TBX1: variants seen among roughly 807,000 people sequenced by gnomAD.
TBX1 encodes T-box transcription factor TBX1.
Under a neutral mutation model 40.8 loss-of-function variants are expected in TBX1, and 16 were observed. That is an observed-to-expected ratio of 0.39 (90% CI 0.27 to 0.60). TBX1 has a LOEUF of 0.60. Among genes scored for constraint, TBX1 ranks in the 20% least tolerant of loss-of-function variants. The pLI is 0.51. For missense variants in TBX1, 755 were observed against 728.5 expected (o/e 1.04, Z -0.42); for synonymous variants, 403 against 336.8 (o/e 1.20, Z -2.15).
upstream of TBX1, among the ~76,000 whole-genome samples, chr22:19,756,929 G>A (rs1323249094): frequency 4.0e-5 from 6 of 151,786 alleles, no homozygotes; most frequent in Non-Finnish European, 7.4e-5. Flanking sequence ...GCGGGGCGGC[G>A]GAGCGCGGCG....
downstream of TBX1, among the ~76,000 whole-genome samples, chr22:19,769,929 G>A (rs962175635): frequency 2.6e-5 from 4 of 152,230 alleles, no homozygotes; most frequent in African/African-American, 4.8e-5. Flanking sequence ...GACAGTGGCC[G>A]TTCTTCCATC....
At chr22:19,768,282 C>G (rs369281324), downstream of TBX1, among the ~76,000 whole-genome samples, 1 of 152,270 alleles carries the variant, frequency 6.6e-6, no homozygotes, top group African/African-American at 2.4e-5. Context: ...CTGAGTGCCA[C>G]CTCTCCGAGG....
downstream of TBX1, among the ~76,000 whole-genome samples, chr22:19,781,840 C>T (rs1937145532): frequency 6.6e-6 from 1 of 152,158 alleles, no homozygotes; most frequent in Admixed American, 6.5e-5. Flanking sequence ...ATCATTTGGC[C>T]AGCCAGGTGC....
upstream of TBX1, chr22:19,759,558 C>T (rs1936571802): frequency 6.4e-7 from 1 of 1,574,506 alleles, no homozygotes; most frequent in Non-Finnish European, 8.6e-7. Flanking sequence ...CTGGTTGCAG[C>T]GGAGGCGGCG....
intron 1 of TBX1, 73 bp from the exon 2 acceptor site, chr22:19,763,168 C>T: frequency 3.1e-6 from 4 of 1,270,504 alleles, no homozygotes; most frequent in South Asian, 2.4e-5. Context: ...AGCAGAGGGG[C>T]CGCCAGCCCC....
chr22:19,768,050 A>G (rs959419861), downstream of TBX1, among the ~76,000 whole-genome samples: 15 of 152,188 alleles, frequency 9.9e-5, no homozygotes, highest in Admixed American at 9.8e-4. Flanking sequence ...ACTCAACACC[A>G]GGGATGGGGC....
downstream of TBX1, among the ~76,000 whole-genome samples, chr22:19,770,882 A>G (rs1936979099): frequency 6.6e-6 from 1 of 152,150 alleles, no homozygotes; most frequent in African/African-American, 2.4e-5. Flanking sequence ...TGTGTCAGGC[A>G]GTGCAACCCA....
chr22:19,774,717 C>CA (rs949193525), intron 8 of TBX1, among the ~76,000 whole-genome samples: 2 of 152,166 alleles, frequency 1.3e-5, no homozygotes, highest in African/African-American at 4.8e-5. Flanking sequence ...GAGCCGGTCA[C>CA]AAAGGACACA....
chr22:19,777,006 G>A (rs755433427), intron 8 of TBX1, among the ~76,000 whole-genome samples: 16 of 152,148 alleles, frequency 1.1e-4, no homozygotes, highest in Non-Finnish European at 2.2e-4. Context: ...AATCCCATAC[G>A]CTACAGAGGG....
intron 3 of TBX1, among the ~76,000 whole-genome samples, chr22:19,764,733 C>T (rs1004724487): frequency 6.6e-6 from 1 of 152,232 alleles, no homozygotes; most frequent in African/African-American, 2.4e-5. Context: ...GGAAAGAGAA[C>T]CTAAACCCAG....
At position 19,767,172 on chromosome 22, in the gene TBX1, T is replaced by G; in HGVS notation, c.*305T>G. The stretch of plus-strand genomic sequence containing the variant: ...GTCGGAGGCGGAAGGAAGTGATATT[T>G]ATTGTTCTCCCCGAGACCGCGTCGC... On this transcript the variant is annotated 3_prime_UTR_variant, in exon 7 of 7. Transcript: ENST00000649276. The G allele has an allele frequency of 8.8e-7, 1 of 1,142,786 alleles. No homozygotes were observed. The highest frequency in any genetic ancestry group is 1.1e-6 in the Non-Finnish European group (1 of 929,870). The allele number at this position is 1,142,786 out of a possible 1,614,324, so 70.8% of individuals were successfully genotyped here.
intron 2 of TBX1, chr22:19,763,658 C>T (rs560778193): frequency 1.1e-4 from 51 of 451,306 alleles, no homozygotes; most frequent in Middle Eastern, 1.2e-3. Context: ...CCCAGGAGGC[C>T]GGCCTGAGCG....
At position 19,766,972 on chromosome 22, in the gene TBX1, C is replaced by A; in HGVS notation, c.*105C>A. 1.4e-6 allele frequency: 2 copies of A among 1,478,572 alleles called. No homozygotes were observed. The highest frequency in any genetic ancestry group is 1.8e-6 in the Non-Finnish European group (2 of 1,119,418). The allele number at this position is 1,478,572 out of a possible 1,614,324, so 91.6% of individuals were successfully genotyped here. A position where few individuals can be genotyped will look rare whatever the true frequency, so the allele number is the denominator to read the frequency against. ...AGCAAGGAATACGTTCCCCCAGCCC[C>A]AGGGGCCACCGCGGCTCTCCCCTTC... On this transcript the variant is annotated 3_prime_UTR_variant, in exon 7 of 7. Transcript: ENST00000649276.
chr22:19,756,868 G>C, upstream of TBX1: 1 of 152,274 alleles, frequency 6.6e-6, no homozygotes, highest in South Asian at 1.8e-4. Context: ...GGGAGGGCAC[G>C]ACGGGTGGGG....
chr22:19,763,139 A>C (rs1018195082), intron 1 of TBX1, 102 bp from the exon 2 acceptor site: 18 of 888,300 alleles, frequency 2.0e-5, no homozygotes, highest in Non-Finnish European at 2.4e-5. Context: ...CAGCCCCCAG[A>C]GGCTGGAGGG....
downstream of TBX1, among the ~76,000 whole-genome samples, chr22:19,768,950 A>ATTTTTTTTT (rs1601297935): frequency 5.7e-5 from 4 of 70,706 alleles, no homozygotes; most frequent in African/African-American, 1.5e-4. Flanking sequence ...GGCTGTTCGC[A>ATTTTTTTTT]TTCTTTTTTT....
downstream of TBX1, among the ~76,000 whole-genome samples, chr22:19,771,482 T>C (rs1043940372): frequency 2.2e-4 from 34 of 152,242 alleles, no homozygotes; most frequent in Admixed American, 2.0e-3. Context: ...AACCAGCCCA[T>C]GTGGGGGAGA....
chr22:19,766,583 C>T lies in TBX1; in HGVS notation c.1231C>T (p.Leu411=), dbSNP rs2145838647. The change falls in exon 7 of 7, where the codon CTG becomes TTG. Residue 411 remains leucine (L), a synonymous_variant. Coordinates refer to ENST00000649276, the MANE Select transcript of TBX1 (RefSeq NM_001379200.1). The stretch of plus-strand genomic sequence containing the variant: ...CAGTCCCCCGAACCCCGAGCTGCGC[C>T]TGGAGGCGCCCGGCGCATCGGAGCC... The part of the protein sequence containing the change: ...RPSPPNPELR[L]EAPGASEPLH... 2.0e-6 allele frequency: 3 copies of T among 1,471,200 alleles called. No homozygotes were observed. Among genetic ancestry groups the T allele is most frequent in the South Asian group, 1.3e-5 (1 of 77,488 alleles). 91.1% of individuals were successfully genotyped at this position (1,471,200 alleles called of 1,614,324 possible).
At chr22:19,769,925 G>C (rs41299936), downstream of TBX1, among the ~76,000 whole-genome samples, 2,404 of 152,362 alleles carry the variant, frequency 0.016, 43 homozygotes, top group African/African-American at 0.05. Context: ...GACTGACAGT[G>C]GCCGTTCTTC....
Sources: allele counts gnomAD v4.1 joint callset (sites outside exome capture counted in the v4.1 genomes callset), GRCh38; gene constraint gnomAD v4.1.1; transcripts MANE v1.5; gene names NCBI Gene and HGNC (gene_info 2026-07-23, HGNC 2026-07-21).